Variants in NAA35 observed in about 807,000 individuals in gnomAD.
NAA35 encodes MAK10 homolog, amino-acid N-acetyltransferase subunit.
Under a neutral mutation model 101.7 loss-of-function variants are expected in NAA35, and 18 were observed. That is an observed-to-expected ratio of 0.18 (90% confidence interval 0.12 to 0.26). The LOEUF (loss-of-function observed/expected upper bound fraction) is 0.26, where lower values mean the gene tolerates loss of function less well. Ranked by LOEUF, NAA35 falls within the 10% of genes least tolerant of loss-of-function variation. NAA35 has a pLI of 1.00. For missense variants in NAA35, 601 were observed against 886.8 expected (o/e 0.68, Z 4.09); for synonymous variants, 267 against 273.1 (o/e 0.98, Z 0.22).
intron 11 of NAA35, among the ~76,000 whole-genome samples, chr9:85,982,257 A>C (rs1830467278): frequency 6.6e-6 from 1 of 152,146 alleles, no homozygotes. Context: ...GTGCTTATTG[A>C]GGGAGCAGAT....
chr9:85,967,412 C>T (rs1012549761), intron 6 of NAA35, among the ~76,000 whole-genome samples: 1 of 151,956 alleles, frequency 6.6e-6, no homozygotes, highest in African/African-American at 2.4e-5. Flanking sequence ...CTGTTTTCTT[C>T]GTTTTGCTAA....
intron 21 of NAA35, among the ~76,000 whole-genome samples, chr9:86,020,675 C>T (rs1182426710): frequency 6.6e-6 from 1 of 152,036 alleles, no homozygotes; most frequent in Non-Finnish European, 1.5e-5. Context: ...GAGATCTTGT[C>T]TCTATAAAAA....
At chr9:85,991,341 A>G (rs1830904246) in intron 11 of NAA35, among the ~76,000 whole-genome samples, 1 of 152,082 alleles carries the variant, frequency 6.6e-6, no homozygotes. Flanking sequence ...AGACCAAGCC[A>G]GGTAATGAGG....
At chr9:85,959,270 G>A (rs571346210) in intron 4 of NAA35, among the ~76,000 whole-genome samples, 73 of 151,672 alleles carry the variant, frequency 4.8e-4, no homozygotes, top group African/African-American at 1.6e-3. Context: ...CAGCTAATCC[G>A]GAGGCTGAGG....
chr9:86,014,074 T>C (rs1832082514), intron 17 of NAA35, among the ~76,000 whole-genome samples, 177 bp downstream of exon 17: 1 of 152,206 alleles, frequency 6.6e-6, no homozygotes, highest in Admixed American at 6.5e-5. Flanking sequence ...TGCTATAATA[T>C]TGCATGAGTG....
chr9:85,943,057 C>T (rs2118232338), intron 2 of NAA35, among the ~76,000 whole-genome samples: 1 of 152,282 alleles, frequency 6.6e-6, no homozygotes, highest in South Asian at 2.1e-4. Context: ...GGAATATAAG[C>T]TCCGTGGGGG....
chr9:85,943,608 G>A (rs867798502), intron 2 of NAA35, among the ~76,000 whole-genome samples: 5 of 152,270 alleles, frequency 3.3e-5, no homozygotes, highest in Middle Eastern at 3.4e-3. Context: ...CTGGGAGTTG[G>A]GTGACTGCCT....
At position 86,023,262 on chromosome 9, in the gene NAA35, T is replaced by G. The variant is rs1180982401; in HGVS notation, c.*1302T>G. Among the ~76,000 whole-genome samples the G allele has an allele frequency of 2.6e-5, 4 of 152,186 alleles. No homozygotes were observed. Among genetic ancestry groups the G allele is most frequent in the Non-Finnish European group, 5.9e-5 (4 of 68,036 alleles). On this transcript the variant is annotated 3_prime_UTR_variant, in exon 23 of 23. Coordinates refer to ENST00000361671, the MANE Select transcript of NAA35 (RefSeq NM_024635.4). Reference sequence around the variant, plus strand: ...ATCTTAAAAAAAATTATTTTTTAAGTAGCCTGTACAATAGAAACTTCAATT... The same window carrying G: ...ATCTTAAAAAAAATTATTTTTTAAGGAGCCTGTACAATAGAAACTTCAATT...
intron 6 of NAA35, among the ~76,000 whole-genome samples, chr9:85,969,521 CT>C (rs1444971379): frequency 2.0e-5 from 3 of 152,282 alleles, no homozygotes; most frequent in Non-Finnish European, 2.9e-5. Context: ...GAATTTACCC[CT>C]CTGCTAGATA....
At chr9:86,019,324 G>T (rs1832401676) in intron 21 of NAA35, among the ~76,000 whole-genome samples, 1 of 152,138 alleles carries the variant, frequency 6.6e-6, no homozygotes, top group South Asian at 2.1e-4. Flanking sequence ...GCCAGGCGTG[G>T]TGCATGCCTG....
chr9:86,018,235 T>G lies in NAA35; in HGVS notation c.1774-20T>G. 6.3e-7 allele frequency: 1 copy of G among 1,598,112 alleles called. No homozygotes were observed. Among genetic ancestry groups the G allele is most frequent in the Non-Finnish European group, 8.6e-7 (1 of 1,168,478 alleles). On this transcript the variant is annotated intron_variant, in intron 19 of 22. Coordinates refer to ENST00000361671, the MANE Select transcript of NAA35 (RefSeq NM_024635.4). ...TTTCATATTGATTTCATCTTTTTTC[T>G]TATTCCCTTTTTCATTTAGACCATG...
At chr9:85,970,109 G>A (rs988103500) in intron 6 of NAA35, among the ~76,000 whole-genome samples, 52 of 152,096 alleles carry the variant, frequency 3.4e-4, no homozygotes, top group Non-Finnish European at 1.0e-4. Context: ...TCCCTGGTTT[G>A]CTACCTCACT....
intron 6 of NAA35, among the ~76,000 whole-genome samples, chr9:85,963,274 T>G (rs1402766608): frequency 6.7e-6 from 1 of 148,306 alleles, no homozygotes; most frequent in Non-Finnish European, 1.5e-5. Context: ...TTTTTTTTTT[T>G]TTTTTTTTTT....
chr9:85,990,046 G>T (rs1459282616), intron 11 of NAA35, among the ~76,000 whole-genome samples: 2 of 152,178 alleles, frequency 1.3e-5, no homozygotes, highest in African/African-American at 2.4e-5. Context: ...TTTAAAAGAG[G>T]TTTACTTAGC....
intron 2 of NAA35, among the ~76,000 whole-genome samples, chr9:85,946,653 C>G (rs979063249): frequency 6.6e-6 from 1 of 151,060 alleles, no homozygotes; most frequent in African/African-American, 2.4e-5. Context: ...CGTAAACTTT[C>G]TTAAAACGTT....
In NAA35 at chr9:86,017,535, A is replaced by G. The variant is rs763258929; in HGVS notation, c.1743A>G (p.Ala581=). Residue 581 remains alanine, a synonymous_variant, in exon 19 of 23, where the codon GCA becomes GCG. Transcript: ENST00000361671. ...PLSREITMSQ[A]YQNMCAGMFK... is the part of the protein sequence containing the mutation. ...GCCGAGAGATCACAATGAGCCAAGC[A>G]TATCAGAACATGTGTGCTGGAATGT... The G allele has an allele frequency of 1.4e-5, 23 of 1,613,758 alleles. No individual in the cohort carries two copies. The highest frequency in any genetic ancestry group is 1.8e-5 in the Non-Finnish European group (21 of 1,179,852).
intron 6 of NAA35, among the ~76,000 whole-genome samples, chr9:85,971,341 A>G (rs893046386): frequency 6.6e-6 from 1 of 152,034 alleles, no homozygotes; most frequent in Non-Finnish European, 1.5e-5. Context: ...CGGTTGACAC[A>G]CTGTGAAATA....
intron 3 of NAA35, among the ~76,000 whole-genome samples, chr9:85,956,753 G>A (rs1278485767): frequency 1.3e-5 from 2 of 152,152 alleles, no homozygotes; most frequent in African/African-American, 2.4e-5. Context: ...GAGAATCCCT[G>A]TGTCTTAGTC....
intron 2 of NAA35, among the ~76,000 whole-genome samples, chr9:85,945,636 A>G (rs1828728132): frequency 6.6e-6 from 1 of 151,584 alleles, no homozygotes; most frequent in Non-Finnish European, 1.5e-5. Context: ...CTCCTGCCTC[A>G]GCCTCCCGAG....
Sources: allele counts gnomAD v4.1 joint callset (sites outside exome capture counted in the v4.1 genomes callset), GRCh38; gene constraint gnomAD v4.1.1; transcripts MANE v1.5; gene names NCBI Gene and HGNC (gene_info 2026-07-23, HGNC 2026-07-21).